Variants in TRPC1 observed in about 807,000 individuals in gnomAD.
The protein encoded by TRPC1 is short transient receptor potential channel 1.
TRPC1 carries 42 observed loss-of-function variants against 88.2 expected under a neutral mutation model. The ratio of observed to expected loss-of-function variants is 0.48; its 90% CI spans 0.37 to 0.62. The LOEUF is 0.62. Ranked by LOEUF, TRPC1 falls within the 20% of genes least tolerant of loss-of-function variation. The probability of loss-of-function intolerance (pLI) is 0.00; values close to 1 mark genes in which losing one functional copy is unlikely to be tolerated. For missense variants in TRPC1, 699 were observed against 957.3 expected (o/e 0.73, Z 3.56); for synonymous variants, 288 against 331.8 (o/e 0.87, Z 1.43).
At chr3:142,789,910 C>T (rs72990738) in intron 7 of TRPC1, among the ~76,000 whole-genome samples, 10,656 of 152,016 alleles carry the variant, frequency 0.07, 1,217 homozygotes, top group African/African-American at 0.24. Flanking sequence ...AGATTCTTAC[C>T]CTTGAAGAGC....
intron 4 of TRPC1, among the ~76,000 whole-genome samples, chr3:142,768,194 G>C (rs560413564): frequency 6.6e-6 from 1 of 152,112 alleles, no homozygotes; most frequent in East Asian, 1.9e-4. Flanking sequence ...ATAAATTTCA[G>C]TTTGGTCATA....
At position 142,784,756 on chromosome 3, in the gene TRPC1, A is replaced by C. The variant is rs756151939; in HGVS notation, c.1013A>C (p.Gln338Pro). 4 of 1,614,014 alleles carry C rather than the reference A, an allele frequency of 2.5e-6. No homozygotes were observed. The East Asian group carries it at 8.9e-5, about 36-fold the overall frequency. ...TTCCTGAACACTGTTTGGTTTGGACAGATGTCGGGTTACCGACGCAAGCCC... is the reference window on the plus strand; with the variant it reads ...TTCCTGAACACTGTTTGGTTTGGACCGATGTCGGGTTACCGACGCAAGCCC... ...QQFLNTVWFG[Q>P]MSGYRRKPTC... Residue 338 changes from glutamine to proline, a missense_variant, in exon 7 of 13, where the codon CAG becomes CCG. This residue lies in a region of TRPC1 where 426 missense variants were observed against 641.3 expected (regional missense o/e 0.66). Transcript: ENST00000476941.
intron 4 of TRPC1, among the ~76,000 whole-genome samples, chr3:142,773,162 T>G (rs977179966): frequency 2.6e-5 from 4 of 152,204 alleles, no homozygotes; most frequent in African/African-American, 4.8e-5. Context: ...AGCAAGCCTC[T>G]CTAGTGAATT....
intron 9 of TRPC1, among the ~76,000 whole-genome samples, chr3:142,800,912 TAAAAAG>T (rs1936599073): frequency 7.0e-6 from 1 of 142,756 alleles, no homozygotes; most frequent in Non-Finnish European, 1.5e-5. Context: ...GAGACTGTCT[TAAAAAG>T]AAAGAAAAAA....
intron 12 of TRPC1, 66 bp downstream of exon 12, chr3:142,804,696 T>G: frequency 6.8e-7 from 1 of 1,478,984 alleles, no homozygotes; most frequent in East Asian, 2.3e-5. Context: ...AGATATTTCT[T>G]AAAGCGTAAG....
chr3:142,737,935 G>T (rs542644440), intron 2 of TRPC1, among the ~76,000 whole-genome samples: 2 of 151,968 alleles, frequency 1.3e-5, no homozygotes, highest in African/African-American at 4.8e-5. Flanking sequence ...ACACTTAAAG[G>T]CATAAGCTTC....
chr3:142,757,606 C>T (rs1188701880), intron 4 of TRPC1, among the ~76,000 whole-genome samples: 1 of 149,626 alleles, frequency 6.7e-6, no homozygotes, highest in Non-Finnish European at 1.5e-5. Context: ...AATAAGAACA[C>T]ATGGACACAG....
At chr3:142,739,798 A>G (rs1403186535) in intron 2 of TRPC1, among the ~76,000 whole-genome samples, 1 of 152,182 alleles carries the variant, frequency 6.6e-6, no homozygotes, top group African/African-American at 2.4e-5. Context: ...TAATCTACAT[A>G]TGAAGAGGTT....
At position 142,729,768 on chromosome 3, in the gene TRPC1, A is replaced by C. The variant is rs141705275; in HGVS notation, c.172+5037A>C. On this transcript the variant is annotated intron_variant, in intron 1 of 12. Coordinates refer to ENST00000476941, the MANE Select transcript of TRPC1 (RefSeq NM_001251845.2). ...ACTGAGAAATTTAAGATTTAAGATC[A>C]ATAGTTGAATAGGTAATGAGGATTT... Among the ~76,000 whole-genome samples, 522 of 152,300 alleles carry C rather than the reference A, an allele frequency of 3.4e-3. 1 individual carries two copies. The highest frequency in any genetic ancestry group is 0.012 in the African/African-American group (488 of 41,584).
chr3:142,769,906 G>A (rs1935519092), intron 4 of TRPC1, among the ~76,000 whole-genome samples: 1 of 151,906 alleles, frequency 6.6e-6, no homozygotes, highest in East Asian at 1.9e-4. Flanking sequence ...CATTTATAAT[G>A]TTGTTTAAGT....
At position 142,778,815 on chromosome 3, in the gene TRPC1, C is replaced by A. The variant is rs1298950793; in HGVS notation, c.764+1052C>A. On this transcript the variant is annotated intron_variant, in intron 5 of 12. Transcript: ENST00000476941. ...CAGTACTTAATGTGTTCTTCATAGA[C>A]CTGAGTTCCAGAAACTGAAAAAAGA... 2.0e-3 allele frequency among the ~76,000 whole-genome samples: 307 copies of A among 152,238 alleles called. 1 individual carries two copies. The highest frequency in any genetic ancestry group is 7.2e-3 in the African/African-American group (299 of 41,558).
At chr3:142,756,133 T>TACC (rs1553802507) in intron 4 of TRPC1, among the ~76,000 whole-genome samples, 2 of 152,238 alleles carry the variant, frequency 1.3e-5, no homozygotes, top group Admixed American at 1.3e-4. Context: ...ATGGTTATAG[T>TACC]ACCACCTTTT....
At chr3:142,780,319 A>T (rs1287884762) in intron 5 of TRPC1, among the ~76,000 whole-genome samples, 1 of 152,148 alleles carries the variant, frequency 6.6e-6, no homozygotes, top group Non-Finnish European at 1.5e-5. Flanking sequence ...TTTGAATTTC[A>T]CTCAAATGAG....
chr3:142,801,248 G>T (rs60399161), intron 9 of TRPC1: 1 of 151,740 alleles, frequency 6.6e-6, no homozygotes, highest in Admixed American at 6.6e-5. Context: ...CAGGCTTTCC[G>T]GTTCTTGCGG....
chr3:142,784,721 C>A lies in TRPC1; in HGVS notation c.978C>A (p.Asn326Lys). 1.2e-6 allele frequency: 2 copies of A among 1,611,478 alleles called. No homozygotes were observed. The highest frequency in any genetic ancestry group is 1.7e-6 in the Non-Finnish European group (2 of 1,178,518). ...CTTTTCAGTTTGTCTCCCAGTCTAA[C>A]TGCCAGCAGTTCCTGAACACTGTTT... ...YNQKEFVSQS[N>K]CQQFLNTVWF... Residue 326 changes from asparagine (N) to lysine (K), a missense_variant, in exon 7 of 13, where the codon AAC becomes AAA. Asn to Lys is a moderately conservative substitution (Grantham distance 94). Coordinates refer to ENST00000476941, the MANE Select transcript of TRPC1 (RefSeq NM_001251845.2).
At chr3:142,788,391 A>G (rs969308282) in intron 7 of TRPC1, among the ~76,000 whole-genome samples, 1 of 152,144 alleles carries the variant, frequency 6.6e-6, no homozygotes, top group Admixed American at 6.6e-5. Context: ...AATACATAGT[A>G]TATGAGAGGT....
At chr3:142,744,144 T>C (rs1934453485) in intron 3 of TRPC1, among the ~76,000 whole-genome samples, 1 of 152,018 alleles carries the variant, frequency 6.6e-6, no homozygotes, top group African/African-American at 2.4e-5. Flanking sequence ...GAAAAACATA[T>C]TAGAAAAGGA....
chr3:142,803,807 T>G (rs978448526), intron 10 of TRPC1, among the ~76,000 whole-genome samples, 170 bp from the exon 11 acceptor site: 15 of 152,228 alleles, frequency 9.9e-5, no homozygotes, highest in African/African-American at 3.4e-4. Context: ...TCTCTTTGTT[T>G]AAATTTAAAG....
intron 7 of TRPC1, among the ~76,000 whole-genome samples, chr3:142,788,868 AG>A (rs1278117914): frequency 6.6e-6 from 1 of 152,164 alleles, no homozygotes; most frequent in African/African-American, 2.4e-5. Context: ...CAATACATCA[AG>A]TGTATTAGCT....
Sources: allele counts gnomAD v4.1 joint callset (sites outside exome capture counted in the v4.1 genomes callset), GRCh38; gene constraint gnomAD v4.1.1; regional missense constraint gnomAD v4.1.1; transcripts MANE v1.5; gene names NCBI Gene and HGNC (gene_info 2026-07-23, HGNC 2026-07-21).